The following NAV3 variants were observed in gnomAD, a reference collection of about 807,000 sequenced individuals.
NAV3 encodes pore membrane and/or filament interacting like protein 1.
In NAV3, 87 loss-of-function variants were observed where a neutral mutation model predicts 244.7. That is an observed-to-expected ratio of 0.36 (90% CI 0.30 to 0.42). NAV3 has a LOEUF of 0.42. NAV3 is among the 20% of genes least tolerant of loss of function. The pLI is 1.00. For synonymous variants in NAV3, 1,126 were observed against 1,042.2 expected, an observed-to-expected ratio of 1.08 and a Z score of -1.55; for missense variants, 2,663 against 2,893.3, an observed-to-expected ratio of 0.92 and a Z score of 1.83.
intron 39 of NAV3, among the ~76,000 whole-genome samples, chr12:78,207,078 G>A (rs541907681): frequency 2.0e-5 from 3 of 151,860 alleles, no homozygotes; most frequent in East Asian, 3.9e-4. Flanking sequence ...GACTGGTGAC[G>A]ATCTATCTGT....
chr12:78,181,381 A>G (rs1958491955), intron 30 of NAV3, among the ~76,000 whole-genome samples: 1 of 152,052 alleles, frequency 6.6e-6, no homozygotes, highest in Non-Finnish European at 1.5e-5. Flanking sequence ...AATGACTTTT[A>G]TTAAGTGTGC....
At chr12:78,178,082 C>T (rs73342414) in intron 28 of NAV3, among the ~76,000 whole-genome samples, 22,899 of 150,954 alleles carry the variant, frequency 0.15, 2,082 homozygotes, top group South Asian at 0.25. Context: ...AAGTGATTAA[C>T]AGCAATAATA....
intron 2 of NAV3, among the ~76,000 whole-genome samples, chr12:77,698,408 C>T (rs1177130363): frequency 6.6e-6 from 1 of 152,050 alleles, no homozygotes; most frequent in African/African-American, 2.4e-5. Context: ...AGTGTCAATG[C>T]AAATAGAGCA....
At position 77,831,752 on chromosome 12, in the gene NAV3, T is replaced by C. The variant is rs748807360; in HGVS notation, c.243+48T>C. 7 of 1,539,126 alleles carry C rather than the reference T, an allele frequency of 4.5e-6. No homozygotes were observed. In the South Asian group the frequency reaches 9.0e-5, roughly 20 times the overall value. ...AGACTTGTGTAGCTAAAATGCACATTTCTCTTTAAGTGCACTATAAAACAT... is the reference window on the plus strand; with the variant it reads ...AGACTTGTGTAGCTAAAATGCACATCTCTCTTTAAGTGCACTATAAAACAT... On this transcript the variant is annotated intron_variant, in intron 1 of 39. Transcript: ENST00000397909.
chr12:77,783,923 G>C (rs1870787694), intron 2 of NAV3, among the ~76,000 whole-genome samples: 1 of 152,094 alleles, frequency 6.6e-6, no homozygotes, highest in Non-Finnish European at 1.5e-5. Flanking sequence ...TGTGTGTCAG[G>C]GAAGAGGGTA....
intron 39 of NAV3, among the ~76,000 whole-genome samples, chr12:78,207,558 G>A (rs189887836): frequency 3.9e-5 from 6 of 152,260 alleles, no homozygotes; most frequent in African/African-American, 1.2e-4. Flanking sequence ...GCTTTACAGA[G>A]GAGATGCTTG....
At chr12:78,056,852 G>A (rs1176171534) in intron 11 of NAV3, among the ~76,000 whole-genome samples, 1 of 152,210 alleles carries the variant, frequency 6.6e-6, no homozygotes, top group Non-Finnish European at 1.5e-5. Flanking sequence ...AGGTAGTAAT[G>A]AATGAAGATG....
At chr12:77,920,590 A>T (rs1184016918) in intron 1 of NAV3, among the ~76,000 whole-genome samples, 1 of 152,048 alleles carries the variant, frequency 6.6e-6, no homozygotes, top group Non-Finnish European at 1.5e-5. Context: ...TTAGCTAAAT[A>T]TATATTTTGA....
intron 2 of NAV3, among the ~76,000 whole-genome samples, chr12:77,673,308 C>A (rs534805264): frequency 6.6e-6 from 1 of 152,144 alleles, no homozygotes; most frequent in African/African-American, 2.4e-5. Flanking sequence ...TCATACTCAG[C>A]GTCTCACATG....
intron 2 of NAV3, among the ~76,000 whole-genome samples, chr12:77,617,023 T>C (rs1303758633): frequency 1.3e-5 from 2 of 152,220 alleles, no homozygotes; most frequent in African/African-American, 4.8e-5. Flanking sequence ...TTATCTTTTC[T>C]ATTCTTGTGA....
At chr12:78,084,229 A>G (rs1052631943) in intron 12 of NAV3, among the ~76,000 whole-genome samples, 1 of 152,198 alleles carries the variant, frequency 6.6e-6, no homozygotes, top group African/African-American at 2.4e-5. Context: ...GCATGTTTAC[A>G]GCTTCCCTGA....
chr12:78,212,627 C>T lies in NAV3; in HGVS notation c.*2110C>T, dbSNP rs1025200691. 6.6e-6 allele frequency: 1 copy of T among 152,598 alleles called. No homozygotes were observed. Among genetic ancestry groups the T allele is most frequent in the African/African-American group, 2.4e-5 (1 of 41,440 alleles). 9.5% of individuals were successfully genotyped at this position (152,598 alleles called of 1,614,324 possible). ...TGATCTAAGAAAATTGCTAATCTTTCCCTGCCATTTTGAGAAACACAGTCC... is the reference window on the plus strand; with the variant it reads ...TGATCTAAGAAAATTGCTAATCTTTTCCTGCCATTTTGAGAAACACAGTCC... On this transcript the variant is annotated 3_prime_UTR_variant, in exon 40 of 40. Coordinates refer to ENST00000397909, the MANE Select transcript of NAV3 (RefSeq NM_001024383.2).
intron 38 of NAV3, among the ~76,000 whole-genome samples, chr12:78,204,059 T>G (rs1248748233): frequency 6.6e-6 from 1 of 152,064 alleles, no homozygotes; most frequent in Non-Finnish European, 1.5e-5. Context: ...GTTTCCTATT[T>G]TTTATCCTCT....
At chr12:77,929,110 A>G (rs1888517258) in intron 1 of NAV3, among the ~76,000 whole-genome samples, 1 of 152,200 alleles carries the variant, frequency 6.6e-6, no homozygotes, top group Non-Finnish European at 1.5e-5. Context: ...TATGCATATC[A>G]ATGTAGTTTA....
chr12:77,822,216 T>C (rs1592713043), intron 2 of NAV3, among the ~76,000 whole-genome samples: 1 of 152,320 alleles, frequency 6.6e-6, no homozygotes, highest in African/African-American at 2.4e-5. Context: ...ATGCATGTCA[T>C]AGAGCATATA....
chr12:77,686,001 T>C (rs1461672855), intron 2 of NAV3, among the ~76,000 whole-genome samples: 3 of 152,192 alleles, frequency 2.0e-5, no homozygotes, highest in Admixed American at 6.5e-5. Flanking sequence ...TTTTGAAAGC[T>C]GATGTTTTAC....
At chr12:78,105,361 G>A (rs371292381) in intron 12 of NAV3, among the ~76,000 whole-genome samples, 7 of 151,990 alleles carry the variant, frequency 4.6e-5, no homozygotes, top group East Asian at 1.9e-4. Context: ...TCTATAAAGT[G>A]GGGATAATTG....
intron 34 of NAV3, among the ~76,000 whole-genome samples, chr12:78,191,675 T>A (rs992474537): frequency 1.3e-5 from 2 of 152,176 alleles, no homozygotes; most frequent in Non-Finnish European, 2.9e-5. Flanking sequence ...TGAGCAAAAG[T>A]AGGAAGAGCA....
chr12:77,754,835 C>G (rs1265008133), intron 2 of NAV3, among the ~76,000 whole-genome samples: 1 of 152,062 alleles, frequency 6.6e-6, no homozygotes, highest in African/African-American at 2.4e-5. Context: ...GATGTGTTGC[C>G]AGAGTCATAT....
Sources: allele counts gnomAD v4.1 joint callset (sites outside exome capture counted in the v4.1 genomes callset), GRCh38; gene constraint gnomAD v4.1.1; transcripts MANE v1.5; gene names NCBI Gene and HGNC (gene_info 2026-07-23, HGNC 2026-07-21).